Variants in ACSM2B observed in about 807,000 individuals in gnomAD.
ACSM2B encodes the protein acyl-CoA synthetase medium chain family member 2B.
Under a neutral mutation model 78.6 loss-of-function variants are expected in ACSM2B, and 58 were observed. The ratio of observed to expected loss-of-function variants is 0.74; its 90% CI spans 0.60 to 0.92. The LOEUF (loss-of-function observed/expected upper bound fraction) is 0.92. Among genes scored for constraint, ACSM2B ranks in the 40% least tolerant of loss-of-function variants. The pLI, the probability that ACSM2B is intolerant of heterozygous loss-of-function variation, is 0.00. For synonymous variants in ACSM2B, 257 were observed against 256.8 expected (o/e 1.00, Z -0.01); for missense variants, 688 against 711.2 (o/e 0.97, Z 0.37).
intron 13 of ACSM2B, among the ~76,000 whole-genome samples, chr16:20,538,930 C>T (rs1245492249): frequency 6.6e-6 from 1 of 152,000 alleles, no homozygotes. Flanking sequence ...CAAAGAAGTC[C>T]CACTCCACCA....
chr16:20,548,190 A>C lies in ACSM2B; in HGVS notation c.975-5T>G, dbSNP rs2015200074. On this transcript the variant is annotated splice_region_variant and splice_polypyrimidine_tract_variant and intron_variant, in intron 7 of 13. Transcript: ENST00000329697. ...TGTAGATGGGGGAACTTGTAACTGAAGAAGAGAAATAAATGTTTGCCCTCA... is the reference window on the plus strand; with the variant it reads ...TGTAGATGGGGGAACTTGTAACTGACGAAGAGAAATAAATGTTTGCCCTCA... The C allele has an allele frequency of 6.2e-7, 1 of 1,614,020 alleles. No individual in the cohort carries two copies. The highest frequency in any genetic ancestry group is 8.5e-7 in the Non-Finnish European group (1 of 1,179,922).
rs1252105832 is a variant in ACSM2B at position 20,555,295 on chromosome 16, C to G, written c.570G>C (p.Gly190=). The G allele has an allele frequency of 6.2e-7, 1 of 1,613,720 alleles. No individual in the cohort carries two copies. The highest frequency in any genetic ancestry group is 8.5e-7 in the Non-Finnish European group (1 of 1,179,858). The part of the protein sequence containing the change: ...KLLVSEKSCD[G]WLNFKKLLNE... The stretch of plus-strand genomic sequence containing the variant: ...TTAGTAGTTTCTTGAAGTTCAGCCA[C>G]CCATCGCAGCTTTTCTCAGACACCA... The change falls in exon 4 of 14, where the codon GGG becomes GGC. Residue 190 remains glycine (G), a synonymous_variant. Transcript: ENST00000329697.
At position 20,566,735 on chromosome 16, in the gene ACSM2B, T is replaced by TAC. The variant is rs761683928; in HGVS notation, c.-8-1883_-8-1882insGT. 2.5e-4 allele frequency among the ~76,000 whole-genome samples: 3 copies of TAC among 12,062 alleles called. No individual in the cohort carries two copies. The East Asian group carries it at 0.083, about 335-fold the overall frequency. The allele number at this position is 12,062 out of a possible 152,430, so 7.9% of individuals were successfully genotyped here. A position where few individuals can be genotyped will look rare whatever the true frequency, so the allele number is the denominator to read the frequency against. On this transcript the variant is annotated intron_variant, in intron 1 of 13. Coordinates refer to ENST00000329697, the MANE Select transcript of ACSM2B (RefSeq NM_001105069.2). Reference sequence around the variant, plus strand: ...TATATATAGTATATACTATATATAGTATATACTATATATACTATATATAGT... The same window carrying TAC: ...TATATATAGTATATACTATATATAGTACATATACTATATATACTATATATAGT...
chr16:20,543,273 C>T lies in ACSM2B; in HGVS notation c.1282-11G>A. 1 of 1,611,886 alleles carries T rather than the reference C, an allele frequency of 6.2e-7. No homozygotes were observed. The highest frequency in any genetic ancestry group is 8.5e-7 in the Non-Finnish European group (1 of 1,179,844). On this transcript the variant is annotated splice_polypyrimidine_tract_variant and intron_variant, in intron 10 of 13. Coordinates refer to ENST00000329697, the MANE Select transcript of ACSM2B (RefSeq NM_001105069.2). The stretch of plus-strand genomic sequence containing the variant: ...CTTGTCGGGATTTTCCTGGTGACCA[C>T]AGAAAGACAGAGTCATTGTGCCTGC...
At chr16:20,548,613 A>C in intron 6 of ACSM2B, 140 bp from the exon 7 acceptor site, 3 of 1,548,850 alleles carry the variant, frequency 1.9e-6, no homozygotes, top group Non-Finnish European at 2.6e-6. Flanking sequence ...GTCTGATTCA[A>C]GTTAAATGAG....
chr16:20,571,332 G>A (rs1596741251), intron 1 of ACSM2B, among the ~76,000 whole-genome samples: 1 of 152,068 alleles, frequency 6.6e-6, no homozygotes, highest in East Asian at 1.9e-4. Context: ...TTGATCCAAT[G>A]ATCATTCAGG....
chr16:20,551,947 T>A (rs140317284), intron 6 of ACSM2B, among the ~76,000 whole-genome samples, 197 bp downstream of exon 6: 2 of 152,244 alleles, frequency 1.3e-5, no homozygotes, highest in South Asian at 4.2e-4. Flanking sequence ...CTTTTATCTA[T>A]ATATGTGCCT....
chr16:20,552,374 A>G, intron 5 of ACSM2B, 77 bp from the exon 6 acceptor site: 1 of 1,526,196 alleles, frequency 6.6e-7, no homozygotes. Context: ...GGTGTAGGGG[A>G]GGAAAGGGAG....
intron 1 of ACSM2B, among the ~76,000 whole-genome samples, chr16:20,566,448 A>G (rs1450093139): frequency 3.2e-5 from 4 of 126,686 alleles, no homozygotes; most frequent in Non-Finnish European, 6.4e-5. Context: ...TGTATATAAC[A>G]TATTATATAA....
chr16:20,540,708 C>T lies in ACSM2B; in HGVS notation c.1575G>A (p.Lys525=). 1.2e-6 allele frequency: 2 copies of T among 1,614,128 alleles called. No individual in the cohort carries two copies. The highest frequency in any genetic ancestry group is 1.7e-6 in the Non-Finnish European group (2 of 1,179,986). The change falls in exon 13 of 14, where the codon AAG becomes AAA. Residue 525 remains lysine, a synonymous_variant. Coordinates refer to ENST00000329697, the MANE Select transcript of ACSM2B (RefSeq NM_001105069.2). Reference sequence around the variant, plus strand: ...CTGACTTCACATGCTGCTGCAGCTCCTTGGTGAGCTGTTCTGGGTCATGGG... The same window carrying T: ...CTGACTTCACATGCTGCTGCAGCTCTTTGGTGAGCTGTTCTGGGTCATGGG... ...FLSHDPEQLT[K]ELQQHVKSVT...
At chr16:20,574,796 G>A (rs1162571839) in intron 1 of ACSM2B, among the ~76,000 whole-genome samples, 3 of 150,960 alleles carry the variant, frequency 2.0e-5, no homozygotes, top group African/African-American at 7.4e-5. Context: ...TTTCTCTACA[G>A]GAGATTAGAC....
At chr16:20,558,161 T>C (rs911789802) in intron 3 of ACSM2B, among the ~76,000 whole-genome samples, 1 of 152,128 alleles carries the variant, frequency 6.6e-6, no homozygotes, top group African/African-American at 2.4e-5. Context: ...CTAAGACTGG[T>C]ATTTGAGGTG....
intron 9 of ACSM2B, among the ~76,000 whole-genome samples, chr16:20,545,630 TA>T (rs1160740751): frequency 1.3e-5 from 2 of 152,180 alleles, no homozygotes; most frequent in Non-Finnish European, 2.9e-5. Flanking sequence ...TTGAACTACT[TA>T]AACTCTTTGC....
intron 9 of ACSM2B, among the ~76,000 whole-genome samples, 168 bp from the exon 10 acceptor site, chr16:20,545,426 A>G (rs139173335): frequency 6.6e-6 from 1 of 152,306 alleles, no homozygotes; most frequent in African/African-American, 2.4e-5. Context: ...CAGATCTCTG[A>G]TCCACCTGCC....
chr16:20,551,917 T>C (rs953557839), intron 6 of ACSM2B, among the ~76,000 whole-genome samples: 7 of 152,102 alleles, frequency 4.6e-5, no homozygotes, highest in African/African-American at 1.7e-4. Context: ...ACCTACAATA[T>C]CTTTCTCCTG....
At position 20,548,581 on chromosome 16, in the gene ACSM2B, A is replaced by G. The variant is rs192778610; in HGVS notation, c.895-108T>C. 4,155 of 1,583,964 alleles carry G rather than the reference A, an allele frequency of 2.6e-3. 91 individuals are homozygous for G. The South Asian group carries it at 0.031, about 12-fold the overall frequency. ...CTATGGAGTTGTAGAGGTCTGGATG[A>G]AAACCCTAGCTTGTTTACTATGTCT... On this transcript the variant is annotated intron_variant, in intron 6 of 13. Coordinates refer to ENST00000329697, the MANE Select transcript of ACSM2B (RefSeq NM_001105069.2).
chr16:20,544,836 A>C, intron 10 of ACSM2B: 1 of 1,022,018 alleles, frequency 9.8e-7, no homozygotes, highest in Non-Finnish European at 1.2e-6. Flanking sequence ...GGGGAGAGGG[A>C]AAGGCAGCCC....
At chr16:20,540,577 C>T in intron 13 of ACSM2B, 77 bp downstream of exon 13, 3 of 1,580,962 alleles carry the variant, frequency 1.9e-6, no homozygotes, top group Non-Finnish European at 2.6e-6. Flanking sequence ...GGCTGTCCTC[C>T]TCCTGAAGAA....
intron 13 of ACSM2B, among the ~76,000 whole-genome samples, chr16:20,538,451 T>G (rs1272830938): frequency 3.3e-5 from 5 of 152,162 alleles, no homozygotes; most frequent in African/African-American, 9.7e-5. Context: ...TATTTACTAT[T>G]TGGGCCCCAA....
Sources: allele counts gnomAD v4.1 joint callset (sites outside exome capture counted in the v4.1 genomes callset), GRCh38; gene constraint gnomAD v4.1.1; transcripts MANE v1.5; gene names NCBI Gene and HGNC (gene_info 2026-07-23, HGNC 2026-07-21).